Variants in TRIP12 observed in about 807,000 individuals in gnomAD.
TRIP12 encodes thyroid hormone receptor interactor 12, also known as E3 ubiquitin-protein ligase TRIP12.
TRIP12 carries 25 observed loss-of-function variants against 244.2 expected under a neutral mutation model. That is an observed-to-expected ratio of 0.10 (90% CI 0.07 to 0.14). TRIP12 has a LOEUF of 0.14. Ranked by LOEUF, TRIP12 falls within the 10% of genes least tolerant of loss-of-function variation. The pLI is 1.00. For synonymous variants in TRIP12, 905 were observed against 873.1 expected (o/e 1.04, Z -0.64); for missense variants, 1,677 against 2,486.4 (o/e 0.67, Z 6.92).
At chr2:229,853,484 A>G (rs928946891) in intron 4 of TRIP12, among the ~76,000 whole-genome samples, 2 of 152,060 alleles carry the variant, frequency 1.3e-5, no homozygotes, top group African/African-American at 4.8e-5. Context: ...ACATGGCAAA[A>G]CCGCATCTCT....
chr2:229,802,995 A>T (rs915981630), intron 20 of TRIP12, among the ~76,000 whole-genome samples: 5 of 152,210 alleles, frequency 3.3e-5, no homozygotes, highest in African/African-American at 1.2e-4. Context: ...TCTGTCCCGG[A>T]ATCATAGGAG....
At chr2:229,785,186 G>T (rs1164469803) in intron 34 of TRIP12, among the ~76,000 whole-genome samples, 1 of 152,184 alleles carries the variant, frequency 6.6e-6, no homozygotes, top group Non-Finnish European at 1.5e-5. Flanking sequence ...AAAGAAGAAT[G>T]ACAAAGGCTA....
intron 13 of TRIP12, 39 bp downstream of exon 13, chr2:229,813,831 A>G: frequency 7.4e-7 from 1 of 1,344,550 alleles, no homozygotes; most frequent in Non-Finnish European, 9.7e-7. Flanking sequence ...AATTAGTAAT[A>G]AAACACTTTA....
chr2:229,890,871 C>A (rs986874853), intron 1 of TRIP12, among the ~76,000 whole-genome samples: 1 of 152,138 alleles, frequency 6.6e-6, no homozygotes, highest in Non-Finnish European at 1.5e-5. Flanking sequence ...AGCCAGAATA[C>A]GTACAAACCA....
Position 229,778,578 on chromosome 2 carries a change from T to G in TRIP12, c.5219A>C (p.Glu1740Ala). Residue 1740 changes from glutamate to alanine, a missense_variant, in exon 36 of 42, where the codon GAA becomes GCA. By Grantham distance (107) the Glu-to-Ala change is moderately radical. This residue lies in a region of TRIP12 where 18 missense variants were observed against 16.8 expected (regional missense o/e 1.07). Transcript: ENST00000675903. The surrounding 1 kb of genome is among the most constrained non-coding windows in gnomAD (Gnocchi z 4.1). ...GAGGTTTTGAATATACTTGGTCCCT[T>G]CTTGGCTCCCTGAAAAACAAGCAAT... is the stretch of plus-strand genomic sequence containing the variant. ...VTLSNPKGSQ[E>A]GTKYIQNLQG... is the part of the protein sequence containing the mutation. 1 of 1,610,528 alleles carries G rather than the reference T, an allele frequency of 6.2e-7. No individual in the cohort carries two copies. Among genetic ancestry groups the G allele is most frequent in the Non-Finnish European group, 8.5e-7 (1 of 1,178,752 alleles).
chr2:229,898,916 T>C (rs2069748497), intron 1 of TRIP12, among the ~76,000 whole-genome samples: 2 of 152,220 alleles, frequency 1.3e-5, no homozygotes, highest in African/African-American at 4.8e-5. Context: ...TTCCCCAGGC[T>C]GGTCTTAAAC....
chr2:229,796,196 T>A (rs1271121226), intron 25 of TRIP12, among the ~76,000 whole-genome samples: 1 of 152,238 alleles, frequency 6.6e-6, no homozygotes. Context: ...GTATTTTATG[T>A]ACAAAACAAG....
At chr2:229,837,127 C>T (rs1158661005) in intron 5 of TRIP12, 143 bp from the exon 6 acceptor site, 8 of 815,800 alleles carry the variant, frequency 9.8e-6, no homozygotes, top group Non-Finnish European at 1.3e-5. Flanking sequence ...CACAAAATCA[C>T]CATGTATAAC....
chr2:229,893,437 G>A (rs1241346150), intron 1 of TRIP12, among the ~76,000 whole-genome samples: 2 of 151,148 alleles, frequency 1.3e-5, no homozygotes, highest in Admixed American at 1.3e-4. Context: ...CTTTCCTCAC[G>A]CTCCTCCCCA....
Position 229,864,375 on chromosome 2 carries a change from T to A in TRIP12, c.99-3844A>T, listed in dbSNP as rs189220556. 4.0e-3 allele frequency among the ~76,000 whole-genome samples: 616 copies of A among 152,336 alleles called. 1 individual carries two copies. The highest frequency in any genetic ancestry group is 0.01 in the Middle Eastern group (3 of 294). On this transcript the variant is annotated intron_variant, in intron 2 of 41. Transcript: ENST00000675903. ...AGTGTAACTTTTTAAAGGCATTTTT[T>A]AAAAAGCTTCAAAAAATTAAAAATA...
rs373591140 is a variant in TRIP12 at position 229,811,055 on chromosome 2, C to T, written c.2056-10G>A. The T allele has an allele frequency of 4.2e-5, 67 of 1,613,658 alleles. No homozygotes were observed. Among genetic ancestry groups the T allele is most frequent in the Non-Finnish European group, 5.5e-5 (65 of 1,179,878 alleles). On this transcript the variant is annotated splice_polypyrimidine_tract_variant and intron_variant, in intron 14 of 41. Transcript: ENST00000675903. ...CCTGCTGGAGTAAATTCTTCACAAA[C>T]ACAAGAATAAAGGAATTATTACATC...
intron 34 of TRIP12, among the ~76,000 whole-genome samples, chr2:229,781,953 T>A (rs1380392239): frequency 6.6e-6 from 1 of 152,128 alleles, no homozygotes; most frequent in African/African-American, 2.4e-5. Flanking sequence ...AGCAATCCAA[T>A]CCTGCTCCTT....
chr2:229,773,988 G>A (rs2035415037), intron 38 of TRIP12, 109 bp downstream of exon 38: 4 of 1,143,030 alleles, frequency 3.5e-6, no homozygotes, highest in Non-Finnish European at 5.0e-6. Flanking sequence ...GTGGTCCTGG[G>A]GATGTGGAAG....
intron 4 of TRIP12, among the ~76,000 whole-genome samples, chr2:229,842,055 A>G (rs2056546889): frequency 6.6e-6 from 1 of 152,238 alleles, no homozygotes; most frequent in Admixed American, 6.5e-5. Context: ...AACAGAAGCT[A>G]TAAAGATAAA....
chr2:229,859,897 A>G (rs2060185099), intron 3 of TRIP12, among the ~76,000 whole-genome samples: 1 of 152,250 alleles, frequency 6.6e-6, no homozygotes, highest in Admixed American at 6.5e-5. Flanking sequence ...GGAAGCCAGA[A>G]TATTGATGCC....
chr2:229,808,066 A>G (rs1245688167), intron 16 of TRIP12, among the ~76,000 whole-genome samples, 186 bp downstream of exon 16: 1 of 151,952 alleles, frequency 6.6e-6, no homozygotes, highest in East Asian at 1.9e-4. Flanking sequence ...CCCAGGTTCA[A>G]GCAATTTCTC....
intron 1 of TRIP12, among the ~76,000 whole-genome samples, chr2:229,903,556 G>A (rs1427426892): frequency 6.6e-6 from 1 of 152,002 alleles, no homozygotes; most frequent in South Asian, 2.1e-4. Flanking sequence ...CCATGTAGGA[G>A]CCTGTGAGCC....
chr2:229,871,809 A>T (rs7573425), intron 2 of TRIP12, among the ~76,000 whole-genome samples: 2,439 of 152,302 alleles, frequency 0.016, 64 homozygotes, highest in African/African-American at 0.056. Context: ...AATTATATGC[A>T]AATGAAAGTA....
chr2:229,899,319 G>A (rs560150034), intron 1 of TRIP12, among the ~76,000 whole-genome samples: 27 of 152,108 alleles, frequency 1.8e-4, no homozygotes, highest in Non-Finnish European at 2.6e-4. Flanking sequence ...GAAACAGGAG[G>A]TACTGCCACA....
Sources: allele counts gnomAD v4.1 joint callset (sites outside exome capture counted in the v4.1 genomes callset), GRCh38; gene constraint gnomAD v4.1.1; regional missense constraint gnomAD v4.1.1; non-coding constraint Gnocchi (gnomAD v3.1); transcripts MANE v1.5; gene names NCBI Gene and HGNC (gene_info 2026-07-23, HGNC 2026-07-21).